The following TIAM1 variants were observed in gnomAD, a reference collection of about 807,000 sequenced individuals.
TIAM1 encodes the protein rho guanine nucleotide exchange factor TIAM1.
A neutral mutation model predicts 163.5 loss-of-function variants in TIAM1; 65 were observed. The observed-to-expected ratio is 0.40, with a 90% CI of 0.33 to 0.49. The LOEUF (loss-of-function observed/expected upper bound fraction) is 0.49, where lower values mean the gene tolerates loss of function less well. TIAM1 is among the 20% of genes least tolerant of loss of function. TIAM1 has a pLI of 0.77. For missense variants in TIAM1, 1,789 were observed against 2,044.7 expected, an observed-to-expected ratio of 0.87 and a Z score of 2.41; for synonymous variants, 833 against 810.1, an observed-to-expected ratio of 1.03 and a Z score of -0.48.
intron 2 of TIAM1, among the ~76,000 whole-genome samples, chr21:31,449,108 G>A (rs2044733139): frequency 6.6e-6 from 1 of 151,986 alleles, no homozygotes; most frequent in African/African-American, 2.4e-5. Flanking sequence ...GGGACTACAG[G>A]CACACACCAC....
intron 1 of TIAM1, among the ~76,000 whole-genome samples, chr21:31,465,948 C>T (rs537520443): frequency 6.6e-5 from 10 of 152,254 alleles, no homozygotes; most frequent in African/African-American, 1.4e-4. Flanking sequence ...CCTTGTGATC[C>T]GCCCGCCTCG....
At chr21:31,124,485 G>A (rs771606745) in intron 27 of TIAM1, 37 bp downstream of exon 27, 6 of 1,609,468 alleles carry the variant, frequency 3.7e-6, no homozygotes, top group Non-Finnish European at 2.5e-6. Flanking sequence ...CGGAGTGGGG[G>A]TGACGGGAAT....
At chr21:31,448,379 C>T (rs2044705104) in intron 2 of TIAM1, among the ~76,000 whole-genome samples, 2 of 151,984 alleles carry the variant, frequency 1.3e-5, no homozygotes, top group African/African-American at 2.4e-5. Flanking sequence ...AGGAGGCGGG[C>T]GGATCACCTG....
intron 2 of TIAM1, among the ~76,000 whole-genome samples, chr21:31,330,423 G>T (rs1380198763): frequency 6.6e-6 from 1 of 151,910 alleles, no homozygotes; most frequent in Admixed American, 6.6e-5. Flanking sequence ...ATGGTTCTTT[G>T]TATTTTTTGT....
At chr21:31,489,350 ACAGACAAGGTTG>A (rs2046378215) in intron 1 of TIAM1, among the ~76,000 whole-genome samples, 1 of 98,288 alleles carries the variant, frequency 1.0e-5, no homozygotes, top group Non-Finnish European at 1.9e-5. Flanking sequence ...AGTGTTGGTG[ACAGACAAGGTTG>A]GGGGGGAGAG....
chr21:31,548,684 TCAC>T (rs928855378), intron 1 of TIAM1, among the ~76,000 whole-genome samples: 4 of 151,472 alleles, frequency 2.6e-5, no homozygotes, highest in African/African-American at 9.7e-5. Flanking sequence ...AGATGGGTCT[TCAC>T]CATGTTGGCC....
In TIAM1 at chr21:31,120,398, G is replaced by T; in HGVS notation, c.4746C>A (p.Ala1582=). Residue 1582 remains alanine (A), a synonymous_variant, in exon 28 of 28, where the codon GCC becomes GCA. Coordinates refer to ENST00000541036, the MANE Select transcript of TIAM1 (RefSeq NM_001353694.2). The surrounding 1 kb of genome is among the most constrained non-coding windows in gnomAD (Gnocchi z 4.2). The part of the protein sequence containing the change: ...EVIWVRREDF[A]PSRKLNTEI Reference sequence around the variant, plus strand: ...TCTCAGTGTTCAGTTTCCTGGAGGGGGCAAAGTCTTCACGCCTAACCCAAA... The same window carrying T: ...TCTCAGTGTTCAGTTTCCTGGAGGGTGCAAAGTCTTCACGCCTAACCCAAA... The T allele has an allele frequency of 1.2e-6, 2 of 1,612,654 alleles. No homozygotes were observed. Among genetic ancestry groups the T allele is most frequent in the African/African-American group, 1.3e-5 (1 of 75,026 alleles).
At chr21:31,462,467 T>C (rs35121223) in intron 2 of TIAM1, among the ~76,000 whole-genome samples, 2 of 152,178 alleles carry the variant, frequency 1.3e-5, no homozygotes, top group African/African-American at 2.4e-5. Context: ...AGTATTCTTG[T>C]AAGACAAAAA....
chr21:31,457,334 C>T (rs2045143525), intron 2 of TIAM1, among the ~76,000 whole-genome samples: 2 of 152,174 alleles, frequency 1.3e-5, no homozygotes, highest in African/African-American at 4.8e-5. Context: ...TTAGCTTCCT[C>T]ATCTTTAAAT....
chr21:31,145,044 C>A (rs2083048398), intron 20 of TIAM1, among the ~76,000 whole-genome samples: 1 of 151,914 alleles, frequency 6.6e-6, no homozygotes, highest in Non-Finnish European at 1.5e-5. Flanking sequence ...GCAAAGCACT[C>A]TAAAATTGTT....
chr21:31,467,083 A>C (rs2045560526), intron 1 of TIAM1, among the ~76,000 whole-genome samples: 4 of 152,202 alleles, frequency 2.6e-5, no homozygotes, highest in Admixed American at 2.0e-4. Flanking sequence ...AAAGTTAAAC[A>C]AAGTTCCATA....
intron 13 of TIAM1, among the ~76,000 whole-genome samples, chr21:31,189,459 G>A (rs2246922): frequency 0.081 from 12,285 of 152,106 alleles, 675 homozygotes; most frequent in Admixed American, 0.19. Context: ...CCAGACAACT[G>A]GGTAAAAAGA....
chr21:31,279,896 T>A lies in TIAM1; in HGVS notation c.-188-2988A>T, dbSNP rs190752046. On this transcript the variant is annotated intron_variant, in intron 2 of 27. Coordinates refer to ENST00000541036, the MANE Select transcript of TIAM1 (RefSeq NM_001353694.2). The stretch of plus-strand genomic sequence containing the variant: ...TGAAACTGAATCATATGTTATAAAT[T>A]GAATGACATCAGTCACCTTAAATTT... Among the ~76,000 whole-genome samples the A allele has an allele frequency of 2.6e-5, 4 of 152,302 alleles. No individual in the cohort carries two copies. In the East Asian group the frequency reaches 7.7e-4, roughly 29 times the overall value.
At chr21:31,327,457 T>C (rs138638234) in intron 2 of TIAM1, among the ~76,000 whole-genome samples, 53 of 151,826 alleles carry the variant, frequency 3.5e-4, no homozygotes, top group African/African-American at 1.2e-3. Context: ...CTGGCCAACA[T>C]AGCAAAACCC....
intron 2 of TIAM1, among the ~76,000 whole-genome samples, chr21:31,418,341 CAAA>C (rs71193114): frequency 2.9e-5 from 1 of 34,746 alleles, no homozygotes; most frequent in Non-Finnish European, 6.1e-5. Context: ...GACTCTGTCT[CAAA>C]AAAAAAAAAA....
chr21:31,402,042 G>A (rs1334469363), intron 2 of TIAM1, among the ~76,000 whole-genome samples: 2 of 151,934 alleles, frequency 1.3e-5, no homozygotes, highest in South Asian at 2.1e-4. Flanking sequence ...GTGAAACCCC[G>A]TCTCTACTAA....
intron 2 of TIAM1, among the ~76,000 whole-genome samples, chr21:31,294,052 C>T (rs535451832): frequency 6.6e-6 from 1 of 152,290 alleles, no homozygotes; most frequent in African/African-American, 2.4e-5. Context: ...TCACCCTCTC[C>T]CACCTCTAAG....
At chr21:31,175,292 C>T (rs1307763872) in intron 15 of TIAM1, among the ~76,000 whole-genome samples, 3 of 152,118 alleles carry the variant, frequency 2.0e-5, no homozygotes, top group East Asian at 3.9e-4. Flanking sequence ...CTGAGGTAAA[C>T]CAAGGCACCT....
chr21:31,271,078 A>G (rs977955187), intron 3 of TIAM1, among the ~76,000 whole-genome samples: 6 of 152,128 alleles, frequency 3.9e-5, no homozygotes, highest in African/African-American at 1.4e-4. Flanking sequence ...TGTAACCAAC[A>G]TATATTTCAC....
Sources: gnomAD v4.1 joint callset for allele counts (sites outside exome capture counted in the v4.1 genomes callset) on GRCh38, gnomAD v4.1.1 for gene constraint, Gnocchi (gnomAD v3.1) non-coding constraint, MANE v1.5 for transcripts, NCBI Gene and HGNC (gene_info 2026-07-23, HGNC 2026-07-21) for gene names.